The following PDZRN4 variants were observed in gnomAD, a reference collection of about 807,000 sequenced individuals.
PDZRN4 encodes PDZ domain-containing RING finger protein 4.
A neutral mutation model predicts 99.0 loss-of-function variants in PDZRN4; 70 were observed. The observed-to-expected ratio is 0.71, with a 90% CI of 0.58 to 0.86. The LOEUF is 0.86. PDZRN4 is among the 40% of genes least tolerant of loss of function. The pLI is 0.00. For synonymous variants in PDZRN4, 551 were observed against 501.6 expected (o/e 1.10, Z -1.32); for missense variants, 1,474 against 1,331.2 (o/e 1.11, Z -1.67).
intron 3 of PDZRN4, among the ~76,000 whole-genome samples, chr12:41,428,182 T>G (rs1040108786): frequency 3.3e-5 from 5 of 152,180 alleles, no homozygotes; most frequent in African/African-American, 1.2e-4. Context: ...CTTGGTTATA[T>G]ATATGCATGC....
chr12:41,501,792 T>C (rs981116350), intron 3 of PDZRN4, among the ~76,000 whole-genome samples: 2 of 152,158 alleles, frequency 1.3e-5, no homozygotes, highest in Non-Finnish European at 2.9e-5. Context: ...TTTAAGGATA[T>C]TTGTCTGTGC....
chr12:41,223,606 GATA>G (rs1181158678), intron 3 of PDZRN4, among the ~76,000 whole-genome samples: 10 of 152,162 alleles, frequency 6.6e-5, no homozygotes, highest in African/African-American at 2.4e-4. Flanking sequence ...TTAAAAATAA[GATA>G]ATAATATTGA....
chr12:41,411,457 TGTGA>T (rs1005429668), intron 3 of PDZRN4: 3 of 152,210 alleles, frequency 2.0e-5, no homozygotes, highest in Non-Finnish European at 4.4e-5. Context: ...AACTTGCACC[TGTGA>T]GTGAGAACTG....
intron 3 of PDZRN4, among the ~76,000 whole-genome samples, chr12:41,316,456 ATGTGTGTGTGTG>A (rs71081722): frequency 1.5e-4 from 22 of 144,532 alleles, no homozygotes; most frequent in South Asian, 2.2e-4. Context: ...AAAAAGGCAA[ATGTGTGTGTGTG>A]TGTGTGTGTG....
At chr12:41,500,909 G>T (rs1474284530) in intron 3 of PDZRN4, among the ~76,000 whole-genome samples, 1 of 152,078 alleles carries the variant, frequency 6.6e-6, no homozygotes, top group Non-Finnish European at 1.5e-5. Context: ...ACTAGATTGT[G>T]CTTTGGCAAC....
In PDZRN4 at chr12:41,545,727, CA is replaced by C. The variant is rs551563008; in HGVS notation, c.1204-6928del. On this transcript the variant is annotated intron_variant, in intron 5 of 9. Coordinates refer to ENST00000402685, the MANE Select transcript of PDZRN4 (RefSeq NM_001164595.2). ...TCTTTTGCTGTATAGAAAGGCAGCC[CA>C]GAGAGTCTTTCTACGTACAAATGCA... Among the ~76,000 whole-genome samples, 215 of 152,058 alleles carry C rather than the reference CA, an allele frequency of 1.4e-3. 1 individual carries two copies. Among genetic ancestry groups the C allele is most frequent in the African/African-American group, 5.0e-3 (207 of 41,474 alleles).
intron 3 of PDZRN4, among the ~76,000 whole-genome samples, chr12:41,430,034 C>T (rs1386538099): frequency 3.3e-5 from 5 of 152,194 alleles, no homozygotes; most frequent in Admixed American, 6.5e-5. Flanking sequence ...CAACTTTATA[C>T]GGGGCTAGAT....
chr12:41,527,287 AGAAAGACATGACTGGAC>A (rs1938584618), intron 5 of PDZRN4, among the ~76,000 whole-genome samples: 1 of 152,222 alleles, frequency 6.6e-6, no homozygotes, highest in Non-Finnish European at 1.5e-5. Context: ...CAAGAAGTGA[AGAAAGACATGACTGGAC>A]CATGGGCAGG....
intron 7 of PDZRN4, among the ~76,000 whole-genome samples, chr12:41,557,566 T>G (rs542945985): frequency 9.8e-5 from 15 of 152,302 alleles, no homozygotes; most frequent in Middle Eastern, 3.4e-3. Flanking sequence ...CTGCGTGGCC[T>G]GGGCACATGT....
At chr12:41,352,409 TG>T (rs1352879463) in intron 3 of PDZRN4, among the ~76,000 whole-genome samples, 2 of 152,150 alleles carry the variant, frequency 1.3e-5, no homozygotes, top group African/African-American at 4.8e-5. Context: ...TTTATTTGGG[TG>T]ACTGGCAGTT....
chr12:41,319,391 G>A (rs1417457915), intron 3 of PDZRN4, among the ~76,000 whole-genome samples: 10 of 152,176 alleles, frequency 6.6e-5, no homozygotes, highest in South Asian at 2.1e-4. Context: ...TCACTCTGTC[G>A]TGAGCTAGGT....
At chr12:41,419,814 T>A (rs1027217887) in intron 3 of PDZRN4, among the ~76,000 whole-genome samples, 1 of 152,186 alleles carries the variant, frequency 6.6e-6, no homozygotes, top group African/African-American at 2.4e-5. Context: ...ATGCAGCACA[T>A]GCAGACGCCT....
intron 3 of PDZRN4, among the ~76,000 whole-genome samples, chr12:41,217,152 C>T (rs1950926583): frequency 6.6e-6 from 1 of 152,066 alleles, no homozygotes; most frequent in African/African-American, 2.4e-5. Flanking sequence ...AGAGCAGTGT[C>T]TGGACTGGAC....
At position 41,567,859 on chromosome 12, in the gene PDZRN4, A is replaced by C. The variant is rs779458823; in HGVS notation, c.1544A>C (p.His515Pro). Residue 515 changes from histidine (H) to proline (P), a missense_variant, in exon 9 of 10, where the codon CAT (histidine) becomes CCT (proline). Coordinates refer to ENST00000402685, the MANE Select transcript of PDZRN4 (RefSeq NM_001164595.2). ...AACTTGGAGATGTTGGAAGAAGAGC[A>C]TAATGAAGCAATGCAGCCCACTGCC... ...ELNLEMLEEE[H>P]NEAMQPTANE... The C allele has an allele frequency of 6.2e-7, 1 of 1,613,446 alleles. No individual in the cohort carries two copies. Among genetic ancestry groups the C allele is most frequent in the South Asian group, 1.1e-5 (1 of 91,028 alleles).
intron 3 of PDZRN4, among the ~76,000 whole-genome samples, chr12:41,258,115 T>C (rs1951215503): frequency 6.6e-6 from 1 of 152,192 alleles, no homozygotes; most frequent in Admixed American, 6.5e-5. Context: ...TTCTGAGGGT[T>C]ACTCCATCAC....
At chr12:41,423,359 T>C (rs1462319082) in intron 3 of PDZRN4, among the ~76,000 whole-genome samples, 2 of 152,102 alleles carry the variant, frequency 1.3e-5, no homozygotes, top group African/African-American at 4.8e-5. Context: ...TGTATTCTCA[T>C]TGTTTAACTC....
In PDZRN4 at chr12:41,453,890, GT is replaced by G. The variant is rs370045875; in HGVS notation, c.844-52561del. On this transcript the variant is annotated intron_variant, in intron 3 of 9. Coordinates refer to ENST00000402685, the MANE Select transcript of PDZRN4 (RefSeq NM_001164595.2). ...CAGAGTTTCCTGTTTATAAGGGTGC[GT>G]TTTTCAGCTCACTTTAAAATTTAAT... Among the ~76,000 whole-genome samples the G allele has an allele frequency of 3.0e-4, 18 of 60,150 alleles. 1 individual carries two copies. In the East Asian group the frequency reaches 6.4e-3, roughly 21 times the overall value. 39.5% of individuals were successfully genotyped at this position (60,150 alleles called of 152,430 possible). A position where few individuals can be genotyped will look rare whatever the true frequency, so the allele number is the denominator to read the frequency against.
At chr12:41,474,025 T>A (rs1953018002) in intron 3 of PDZRN4, among the ~76,000 whole-genome samples, 2 of 152,164 alleles carry the variant, frequency 1.3e-5, no homozygotes, top group Admixed American at 1.3e-4. Context: ...GGAGAAACAG[T>A]GTAACTAAAA....
intron 3 of PDZRN4, chr12:41,460,079 TC>T (rs1462494046): frequency 4.7e-6 from 6 of 1,282,988 alleles, no homozygotes; most frequent in South Asian, 1.3e-5. Flanking sequence ...TGGTAAATTT[TC>T]CCTATTTATA....
Sources: allele counts gnomAD v4.1 joint callset (sites outside exome capture counted in the v4.1 genomes callset), GRCh38; gene constraint gnomAD v4.1.1; transcripts MANE v1.5; gene names NCBI Gene and HGNC (gene_info 2026-07-23, HGNC 2026-07-21).